IRGM: variants seen among roughly 807,000 people sequenced by gnomAD.
The protein encoded by IRGM is immunity-related GTPase family M protein.
For synonymous variants in IRGM, 98 were observed against 80.6 expected (o/e 1.22, Z -1.16); for missense variants, 288 against 219.9 (o/e 1.31, Z -1.96).
chr5:150,881,030 C>T (rs182843461), intron 3 of IRGM, among the ~76,000 whole-genome samples: 11 of 151,540 alleles, frequency 7.3e-5, no homozygotes, highest in East Asian at 1.9e-4. Context: ...AGGAGGCTGA[C>T]GCAGGAGAAT....
At chr5:150,854,587 C>T (rs1338153857) in intron 1 of IRGM, among the ~76,000 whole-genome samples, 1 of 152,124 alleles carries the variant, frequency 6.6e-6, no homozygotes, top group East Asian at 1.9e-4. Flanking sequence ...ACAGAATTCT[C>T]AGTTGACAAG....
downstream of IRGM, among the ~76,000 whole-genome samples, chr5:150,850,466 C>T (rs1165787864): frequency 6.6e-6 from 1 of 152,186 alleles, no homozygotes; most frequent in African/African-American, 2.4e-5. Context: ...CTTGTGCATA[C>T]TTGCTCATGT....
chr5:150,879,741 G>A (rs1207324757), intron 3 of IRGM: 1 of 152,202 alleles, frequency 6.6e-6, no homozygotes, highest in Admixed American at 6.5e-5. Context: ...CATAGTGTGG[G>A]TCACAGCTCA....
intron 3 of IRGM, among the ~76,000 whole-genome samples, chr5:150,886,826 T>A (rs1414861335): frequency 6.6e-6 from 1 of 152,006 alleles, no homozygotes; most frequent in African/African-American, 2.4e-5. Flanking sequence ...GACCTATCTT[T>A]CTTTTCAATT....
intron 1 of IRGM, among the ~76,000 whole-genome samples, chr5:150,862,136 A>AG (rs1261248095): frequency 6.6e-6 from 1 of 152,176 alleles, no homozygotes; most frequent in Non-Finnish European, 1.5e-5. Context: ...TTTTTTCAAG[A>AG]GTTTTTTCCT....
intron 3 of IRGM, chr5:150,896,768 AGTCACT>A: frequency 6.2e-7 from 1 of 1,613,830 alleles, no homozygotes; most frequent in Non-Finnish European, 8.5e-7. Context: ...CTGATGCCTC[AGTCACT>A]GTTTTGCTGT....
rs536688617 is a variant in IRGM at position 150,882,218 on chromosome 5, CAAAAA to C, written c.*140+2576_*140+2580del. ...TGGGGGACAGAATGAGGCCCTGTCT[CAAAAA>C]AAAGAAAAAAAAAAGAAAAAGAATC... is the stretch of plus-strand genomic sequence containing the variant. On this transcript the variant is annotated intron_variant and NMD_transcript_variant, in intron 3 of 3. Transcript: ENST00000520549. 4.5e-3 allele frequency among the ~76,000 whole-genome samples: 530 copies of C among 118,944 alleles called. 6 individuals are homozygous for C. The highest frequency in any genetic ancestry group is 0.019 in the African/African-American group (501 of 26,252). The allele number at this position is 118,944 out of a possible 152,430, so 78.0% of individuals were successfully genotyped here.
intron 3 of IRGM, among the ~76,000 whole-genome samples, chr5:150,886,087 AT>A (rs778790294): frequency 6.6e-6 from 1 of 152,074 alleles, no homozygotes; most frequent in Non-Finnish European, 1.5e-5. Flanking sequence ...TTCAATATCT[AT>A]TTTATGGAGA....
intron 1 of IRGM, among the ~76,000 whole-genome samples, chr5:150,857,235 TC>T (rs1754071310): frequency 6.6e-6 from 1 of 152,172 alleles, no homozygotes; most frequent in African/African-American, 2.4e-5. Context: ...TCCAGTTTCA[TC>T]CATGTCCCTA....
chr5:150,857,141 C>G (rs1194768984), intron 1 of IRGM, among the ~76,000 whole-genome samples: 1 of 151,366 alleles, frequency 6.6e-6, no homozygotes, highest in East Asian at 1.9e-4. Flanking sequence ...TCCATGTGTT[C>G]TCATTGTTCA....
rs867289009 is a variant in IRGM, at chr5:150,858,017, T to C, written c.158+9363T>C. 4.1e-3 allele frequency among the ~76,000 whole-genome samples: 621 copies of C among 152,322 alleles called. 5 individuals carry two copies. In the Middle Eastern group the frequency reaches 0.041, roughly 10 times the overall value. On this transcript the variant is annotated intron_variant and NMD_transcript_variant, in intron 1 of 3. Transcript: ENST00000520549. ...TCCTTGCCCATGCCTATGTCCTGAA[T>C]GGTATTGCCTAGGTTTTCTTCTAGG...
chr5:150,854,824 G>T (rs986619171), intron 1 of IRGM, among the ~76,000 whole-genome samples: 2 of 151,986 alleles, frequency 1.3e-5, no homozygotes, highest in Non-Finnish European at 2.9e-5. Context: ...CAGCTTCTTT[G>T]TATGTCTTTC....
At chr5:150,873,853 C>A (rs998931036) in intron 1 of IRGM, among the ~76,000 whole-genome samples, 3 of 152,176 alleles carry the variant, frequency 2.0e-5, no homozygotes, top group African/African-American at 7.2e-5. Context: ...ATATCACATC[C>A]CTGGAGGGAT....
At chr5:150,895,606 C>T (rs1467252801) in intron 3 of IRGM, 1 of 1,613,262 alleles carries the variant, frequency 6.2e-7, no homozygotes, top group Non-Finnish European at 8.5e-7. Flanking sequence ...GGTTTCTCTC[C>T]TGTATGAATT....
rs114930523 is a variant in IRGM at position 150,881,806 on chromosome 5, T to C, written c.*140+2160T>C. Among the ~76,000 whole-genome samples, 687 of 152,236 alleles carry C rather than the reference T, an allele frequency of 4.5e-3. 9 individuals are homozygous for C. The highest frequency in any genetic ancestry group is 0.016 in the African/African-American group (651 of 41,548). ...AAGATAAGTTGCTATCCAGTTAAAATAGCATAATCGGTGTAAGATATTTTA... is the reference window on the plus strand; with the variant it reads ...AAGATAAGTTGCTATCCAGTTAAAACAGCATAATCGGTGTAAGATATTTTA... On this transcript the variant is annotated intron_variant and NMD_transcript_variant, in intron 3 of 3. Transcript: ENST00000520549.
At chr5:150,898,641 T>C (rs1031081180) in intron 3 of IRGM, 19 of 1,398,056 alleles carry the variant, frequency 1.4e-5, no homozygotes, top group Middle Eastern at 1.9e-4. Context: ...CACCTAGTTT[T>C]GTATAATAGT....
At chr5:150,891,828 T>C (rs1265167616) in intron 3 of IRGM, among the ~76,000 whole-genome samples, 3 of 152,086 alleles carry the variant, frequency 2.0e-5, no homozygotes, top group African/African-American at 7.2e-5. Context: ...TTCAAAGCAG[T>C]GTTAGACATT....
chr5:150,850,724 T>C (rs1293781944), downstream of IRGM, among the ~76,000 whole-genome samples: 1 of 152,140 alleles, frequency 6.6e-6, no homozygotes, highest in Non-Finnish European at 1.5e-5. Flanking sequence ...CTGGCTGATT[T>C]TTAAATTTTT....
chr5:150,872,922 C>T (rs1485706233), intron 1 of IRGM, among the ~76,000 whole-genome samples: 1 of 152,178 alleles, frequency 6.6e-6, no homozygotes, highest in Non-Finnish European at 1.5e-5. Context: ...AAAACAGATT[C>T]GTGAGGGCAG....
Sources: gnomAD v4.1 joint callset for allele counts (sites outside exome capture counted in the v4.1 genomes callset) on GRCh38, gnomAD v4.1.1 for gene constraint, MANE v1.5 for transcripts, NCBI Gene and HGNC (gene_info 2026-07-23, HGNC 2026-07-21) for gene names.